Variants in TNKS observed in about 807,000 individuals in gnomAD.
The protein encoded by TNKS is tankyrase, also known as poly [ADP-ribose] polymerase tankyrase-1.
A neutral mutation model predicts 135.8 loss-of-function variants in TNKS; 72 were observed. The observed-to-expected ratio is 0.53, with a 90% CI of 0.44 to 0.64. TNKS has a LOEUF of 0.64. Ranked by LOEUF, TNKS falls within the 30% of genes least tolerant of loss-of-function variation. The pLI, the probability that TNKS is intolerant of heterozygous loss-of-function variation, is 0.00. For missense variants in TNKS, 1,769 were observed against 1,674.0 expected (o/e 1.06, Z -0.99); for synonymous variants, 849 against 649.3 (o/e 1.31, Z -4.68).
intron 17 of TNKS, chr8:9,741,847 C>T (rs541134338): frequency 6.5e-6 from 2 of 308,756 alleles, no homozygotes; most frequent in East Asian, 7.2e-5. Flanking sequence ...GGTCTCCTGA[C>T]CGGAAGTCCA....
chr8:9,708,001 G>C (rs575755084), intron 8 of TNKS, among the ~76,000 whole-genome samples: 10 of 152,264 alleles, frequency 6.6e-5, no homozygotes, highest in African/African-American at 2.4e-4. Context: ...TTTCATGTCA[G>C]TGTATGTAGA....
chr8:9,691,066 C>T (rs955225031), intron 5 of TNKS, among the ~76,000 whole-genome samples: 1 of 152,136 alleles, frequency 6.6e-6, no homozygotes, highest in African/African-American at 2.4e-5. Context: ...TAGGGTGTCA[C>T]ATTTTAAGAA....
chr8:9,763,231 C>T lies in TNKS; in HGVS notation c.3359C>T (p.Ser1120Leu). 6.2e-7 allele frequency: 1 copy of T among 1,604,254 alleles called. No individual in the cohort carries two copies. The highest frequency in any genetic ancestry group is 8.5e-7 in the Non-Finnish European group (1 of 1,172,370). Residue 1120 changes from serine to leucine, a missense_variant, in exon 22 of 27, where the codon TCA becomes TTA. Coordinates refer to ENST00000310430, the MANE Select transcript of TNKS (RefSeq NM_003747.3). ...DLAPEDKEYQ[S>L]VEEEMQSTIR... ...GCTCCAGAAGATAAAGAATATCAGT[C>T]AGTGGAAGAAGAGGTAATATACATC...
chr8:9,601,275 A>G (rs112225372), intron 2 of TNKS, among the ~76,000 whole-genome samples: 2 of 152,138 alleles, frequency 1.3e-5, no homozygotes, highest in South Asian at 2.1e-4. Flanking sequence ...ATATAAATCT[A>G]TTTACATATT....
intron 18 of TNKS, among the ~76,000 whole-genome samples, chr8:9,748,907 C>T (rs1806379696): frequency 6.6e-6 from 1 of 152,166 alleles, no homozygotes; most frequent in Admixed American, 6.5e-5. Flanking sequence ...AACATAAAGA[C>T]GGCTTCATTC....
intron 1 of TNKS, among the ~76,000 whole-genome samples, chr8:9,565,126 C>T (rs12543591): frequency 0.17 from 26,482 of 152,000 alleles, 2,509 homozygotes; most frequent in East Asian, 0.29. Flanking sequence ...TTGCTTTCAC[C>T]AGAGCGAGTT....
intron 3 of TNKS, among the ~76,000 whole-genome samples, chr8:9,644,906 A>G (rs1327917711): frequency 1.3e-5 from 2 of 152,210 alleles, no homozygotes; most frequent in Non-Finnish European, 2.9e-5. Flanking sequence ...GCAGTTTATT[A>G]TAAAATAGGC....
At chr8:9,688,134 A>G (rs1247319583) in intron 5 of TNKS, among the ~76,000 whole-genome samples, 1 of 152,192 alleles carries the variant, frequency 6.6e-6, no homozygotes, top group Non-Finnish European at 1.5e-5. Flanking sequence ...TGGATTAAAT[A>G]TTACATGATA....
In TNKS at chr8:9,771,691, GA is replaced by G. The variant is rs1563225802; in HGVS notation, c.3897+1430del. Among the ~76,000 whole-genome samples, 310 of 133,662 alleles carry G rather than the reference GA, an allele frequency of 2.3e-3. 4 individuals are homozygous for G. Among genetic ancestry groups the G allele is most frequent in the African/African-American group, 8.8e-3 (299 of 33,902 alleles). 87.7% of individuals were successfully genotyped at this position (133,662 alleles called of 152,430 possible). On this transcript the variant is annotated intron_variant, in intron 26 of 26. Transcript: ENST00000310430. Reference sequence around the variant, plus strand: ...GCAGGAAGGGAGGGAGAGAGAGAGAGAGAGAGAGGAAGGGAGAAAGCGAGAG... The same window carrying G: ...GCAGGAAGGGAGGGAGAGAGAGAGAGGAGAGAGGAAGGGAGAAAGCGAGAG...
intron 3 of TNKS, among the ~76,000 whole-genome samples, chr8:9,657,953 C>T (rs1416474189): frequency 1.8e-5 from 1 of 54,140 alleles, no homozygotes. Flanking sequence ...CGCTCCTCAC[C>T]TCCCAGACGG....
intron 5 of TNKS, 51 bp downstream of exon 5, chr8:9,680,851 G>T (rs761196769): frequency 7.0e-7 from 1 of 1,432,244 alleles, no homozygotes; most frequent in East Asian, 2.3e-5. Flanking sequence ...TCAAAATTTT[G>T]TGAATGTGGC....
intron 1 of TNKS, among the ~76,000 whole-genome samples, chr8:9,572,892 A>T (rs964675876): frequency 3.9e-5 from 6 of 152,144 alleles, no homozygotes; most frequent in Admixed American, 6.5e-5. Flanking sequence ...ACTCATAGGT[A>T]TTGCATAAAT....
chr8:9,727,033 T>C (rs1225255001), intron 13 of TNKS, among the ~76,000 whole-genome samples: 1 of 152,244 alleles, frequency 6.6e-6, no homozygotes, highest in Non-Finnish European at 1.5e-5. Context: ...ATTTCACTTA[T>C]ATTAATTACA....
intron 20 of TNKS, among the ~76,000 whole-genome samples, chr8:9,760,158 G>C (rs1241311526): frequency 1.3e-5 from 2 of 152,166 alleles, no homozygotes; most frequent in Admixed American, 6.5e-5. Flanking sequence ...AGCTAAGAAT[G>C]TAAAGGCTCC....
intron 20 of TNKS, among the ~76,000 whole-genome samples, chr8:9,758,187 C>G (rs982167956): frequency 6.6e-6 from 1 of 152,146 alleles, no homozygotes; most frequent in Admixed American, 6.5e-5. Context: ...GTGCTCGGAA[C>G]TGTGCTTGTT....
chr8:9,744,172 T>C (rs1428914079), intron 17 of TNKS, among the ~76,000 whole-genome samples: 1 of 152,184 alleles, frequency 6.6e-6, no homozygotes, highest in African/African-American at 2.4e-5. Context: ...TTAGTGGTAG[T>C]GTGCCTTACT....
intron 3 of TNKS, among the ~76,000 whole-genome samples, chr8:9,628,104 G>C (rs1458247214): frequency 1.3e-5 from 2 of 152,002 alleles, no homozygotes; most frequent in Non-Finnish European, 2.9e-5. Flanking sequence ...CTGCTTACTG[G>C]TTTATATCCA....
intron 3 of TNKS, among the ~76,000 whole-genome samples, chr8:9,660,935 C>T (rs995283571): frequency 6.8e-6 from 1 of 147,728 alleles, no homozygotes; most frequent in Admixed American, 7.0e-5. Context: ...CATTCTTATA[C>T]ACCAATAGCA....
chr8:9,730,854 C>T (rs367618605), intron 13 of TNKS, 36 bp from the exon 14 acceptor site: 40 of 1,586,694 alleles, frequency 2.5e-5, no homozygotes, highest in African/African-American at 4.0e-5. Context: ...GAGTAATGTT[C>T]GTTTTGTGTT....
Sources: allele counts gnomAD v4.1 joint callset (sites outside exome capture counted in the v4.1 genomes callset), GRCh38; gene constraint gnomAD v4.1.1; transcripts MANE v1.5; gene names NCBI Gene and HGNC (gene_info 2026-07-23, HGNC 2026-07-21).